Variants in ASH2L observed in about 807,000 individuals in gnomAD.
ASH2L encodes set1/Ash2 histone methyltransferase complex subunit ASH2.
ASH2L carries 30 observed loss-of-function variants against 81.1 expected under a neutral mutation model. The observed-to-expected ratio is 0.37, with a 90% CI of 0.28 to 0.50. ASH2L has a LOEUF of 0.50. Ranked by LOEUF, ASH2L falls within the 20% of genes least tolerant of loss-of-function variation. ASH2L has a pLI of 0.95. For synonymous variants in ASH2L, 273 were observed against 279.9 expected (o/e 0.98, Z 0.24); for missense variants, 559 against 792.1 (o/e 0.71, Z 3.53).
rs1801961558 is a variant in ASH2L, at chr8:38,129,083, T to C, written c.1527+132T>C. 3 of 1,333,448 alleles carry C rather than the reference T, an allele frequency of 2.2e-6. No individual in the cohort carries two copies. The East Asian group carries it at 7.1e-5, about 32-fold the overall frequency. The allele number at this position is 1,333,448 out of a possible 1,614,324, so 82.6% of individuals were successfully genotyped here. ...TTTTCCTAACCTGTTGCTATGACATTTTCAGAATAACAGTAACAATCGGTG... is the reference window on the plus strand; with the variant it reads ...TTTTCCTAACCTGTTGCTATGACATCTTCAGAATAACAGTAACAATCGGTG... On this transcript the variant is annotated intron_variant, in intron 12 of 15. Coordinates refer to ENST00000343823, the MANE Select transcript of ASH2L (RefSeq NM_004674.5).
intron 10 of ASH2L, among the ~76,000 whole-genome samples, chr8:38,121,792 C>T (rs1801640775): frequency 6.6e-6 from 1 of 152,180 alleles, no homozygotes; most frequent in Non-Finnish European, 1.5e-5. Context: ...ATAGCATCAT[C>T]TCATGGGATT....
intron 5 of ASH2L, among the ~76,000 whole-genome samples, chr8:38,111,325 G>C (rs1379911178): frequency 6.6e-6 from 1 of 152,174 alleles, no homozygotes; most frequent in Non-Finnish European, 1.5e-5. Context: ...CTGGGCTAAA[G>C]CAATTTGCCT....
intron 3 of ASH2L, among the ~76,000 whole-genome samples, chr8:38,109,440 TTCTTCTCTTCTA>T (rs1302760155): frequency 6.6e-6 from 1 of 152,198 alleles, no homozygotes; most frequent in Non-Finnish European, 1.5e-5. Flanking sequence ...TTGTTCTGAT[TTCTTCTCTTCTA>T]GCTTAAGCCA....
At chr8:38,108,691 C>T (rs181956578) in intron 3 of ASH2L, among the ~76,000 whole-genome samples, 48 of 152,004 alleles carry the variant, frequency 3.2e-4, no homozygotes, top group African/African-American at 1.1e-3. Flanking sequence ...CACAGTGGTG[C>T]GTGCCTGTAG....
At chr8:38,130,687 C>G (rs1382733464) in intron 12 of ASH2L, among the ~76,000 whole-genome samples, 2 of 152,068 alleles carry the variant, frequency 1.3e-5, no homozygotes, top group Non-Finnish European at 2.9e-5. Context: ...CAACCTCCGT[C>G]TCATGGGTTC....
chr8:38,133,299 G>A (rs1371601251), intron 12 of ASH2L, among the ~76,000 whole-genome samples, 155 bp from the exon 13 acceptor site: 1 of 152,154 alleles, frequency 6.6e-6, no homozygotes, highest in Non-Finnish European at 1.5e-5. Context: ...TAAGAAGTGT[G>A]TAATAGTTCA....
At chr8:38,136,005 G>A (rs1802236540) in intron 14 of ASH2L, among the ~76,000 whole-genome samples, 1 of 151,784 alleles carries the variant, frequency 6.6e-6, no homozygotes, top group South Asian at 2.1e-4. Flanking sequence ...ACGTGGTGTG[G>A]TGTTACCGTT....
intron 8 of ASH2L, chr8:38,117,388 A>T: frequency 1.1e-6 from 1 of 917,234 alleles, no homozygotes; most frequent in Non-Finnish European, 1.3e-6. Context: ...TCTTTTTACA[A>T]CATATTTTCC....
chr8:38,124,923 G>A (rs560061657), intron 10 of ASH2L, among the ~76,000 whole-genome samples: 68 of 152,320 alleles, frequency 4.5e-4, no homozygotes, highest in Non-Finnish European at 7.8e-4. Flanking sequence ...GGCATGTCCA[G>A]TCATGGTAGA....
intron 3 of ASH2L, among the ~76,000 whole-genome samples, chr8:38,109,585 TGTTGCATCC>T (rs1452046338): frequency 6.6e-6 from 1 of 152,230 alleles, no homozygotes; most frequent in East Asian, 1.9e-4. Context: ...TTGGTTCCTC[TGTTGCATCC>T]GTCTCTGCCA....
intron 1 of ASH2L, chr8:38,106,078 C>T (rs1401335869): frequency 6.6e-7 from 1 of 1,524,422 alleles, no homozygotes; most frequent in African/African-American, 1.4e-5. Flanking sequence ...AACGGTCACT[C>T]TGAAAACAGG....
intron 9 of ASH2L, among the ~76,000 whole-genome samples, chr8:38,120,493 C>T (rs768343398): frequency 6.6e-6 from 1 of 151,882 alleles, no homozygotes; most frequent in Non-Finnish European, 1.5e-5. Context: ...CGGCTCACTG[C>T]ACAAGTTATT....
chr8:38,127,118 C>T (rs1313709335), intron 10 of ASH2L, among the ~76,000 whole-genome samples: 2 of 148,976 alleles, frequency 1.3e-5, no homozygotes, highest in Non-Finnish European at 3.0e-5. Flanking sequence ...GTCAAGATGA[C>T]ACCACTGCAT....
Position 38,128,359 on chromosome 8 carries a change from G to A in ASH2L, c.1234G>A (p.Ala412Thr), listed in dbSNP as rs777868342. 6.2e-7 allele frequency: 1 copy of A among 1,614,130 alleles called. No individual in the cohort carries two copies. The highest frequency in any genetic ancestry group is 8.5e-7 in the Non-Finnish European group (1 of 1,180,004). Reference protein sequence around the residue: ...VGEKGYSMVRASHGVRKGAWY... With the variant: ...VGEKGYSMVRTSHGVRKGAWY... The stretch of plus-strand genomic sequence containing the variant: ...AGAGAAGGGCTACTCTATGGTGAGG[G>A]CCTCTCATGGAGTACGGAAAGGTGC... Residue 412 changes from alanine to threonine, a missense_variant, in exon 11 of 16, where the codon GCC becomes ACC. Coordinates refer to ENST00000343823, the MANE Select transcript of ASH2L (RefSeq NM_004674.5).
chr8:38,137,629 G>A (rs930839335), intron 14 of ASH2L: 1 of 152,176 alleles, frequency 6.6e-6, no homozygotes, highest in African/African-American at 2.4e-5. Context: ...TCAGGAGGCT[G>A]AGGCAGGAGA....
intron 3 of ASH2L, among the ~76,000 whole-genome samples, chr8:38,107,868 ATG>A (rs10542885): frequency 0.038 from 5,330 of 141,420 alleles, 113 homozygotes; most frequent in Admixed American, 0.045. Flanking sequence ...AAATACATAT[ATG>A]TGTGTGTGTG....
At chr8:38,112,560 G>T (rs890371208) in intron 5 of ASH2L, among the ~76,000 whole-genome samples, 1 of 152,082 alleles carries the variant, frequency 6.6e-6, no homozygotes, top group Non-Finnish European at 1.5e-5. Flanking sequence ...ACTGTGCCTG[G>T]CCATGTGTTA....
At chr8:38,138,773 T>C in intron 14 of ASH2L, 43 bp from the exon 15 acceptor site, 1 of 1,580,176 alleles carries the variant, frequency 6.3e-7, no homozygotes, top group Non-Finnish European at 8.7e-7. Flanking sequence ...CCAATATTTT[T>C]TGTCCATTTT....
chr8:38,112,299 C>G (rs1810718052), intron 5 of ASH2L, among the ~76,000 whole-genome samples: 1 of 145,286 alleles, frequency 6.9e-6, no homozygotes, highest in African/African-American at 2.6e-5. Flanking sequence ...ACACCCAGCC[C>G]CTTTATTTAT....
Sources: allele counts gnomAD v4.1 joint callset (sites outside exome capture counted in the v4.1 genomes callset), GRCh38; gene constraint gnomAD v4.1.1; transcripts MANE v1.5; gene names NCBI Gene and HGNC (gene_info 2026-07-23, HGNC 2026-07-21).